Variants in KIAA1671 observed in about 807,000 individuals in gnomAD.
KIAA1671 encodes uncharacterized protein KIAA1671.
KIAA1671 carries 52 observed loss-of-function variants against 131.2 expected under a neutral mutation model. That is an observed-to-expected ratio of 0.40 (90% CI 0.32 to 0.50). The LOEUF (loss-of-function observed/expected upper bound fraction) is 0.50, where lower values mean the gene tolerates loss of function less well. KIAA1671 is among the 20% of genes least tolerant of loss of function. The pLI is 0.73. For synonymous variants in KIAA1671, 1,003 were observed against 961.6 expected (o/e 1.04, Z -0.80); for missense variants, 2,360 against 2,364.2 (o/e 1.00, Z 0.04).
Position 24,979,170 on chromosome 22 carries a change from A to ATTTTTTTTTTTTTTTT in KIAA1671, c.-208+26407_-208+26422dup, listed in dbSNP as rs71191010. 3.5e-4 allele frequency among the ~76,000 whole-genome samples: 29 copies of ATTTTTTTTTTTTTTTT among 81,698 alleles called. 1 individual carries two copies. Among genetic ancestry groups the ATTTTTTTTTTTTTTTT allele is most frequent in the African/African-American group, 1.5e-3 (27 of 18,042 alleles). 53.6% of individuals were successfully genotyped at this position (81,698 alleles called of 152,430 possible). On this transcript the variant is annotated intron_variant, in intron 1 of 12. Coordinates refer to ENST00000358431, the MANE Select transcript of KIAA1671 (RefSeq NM_001145206.2). Reference sequence around the variant, plus strand: ...ATCACCATGCCTGGCTAATTTTTGTATTTTTTTTTTTTTTTTTTTTTTTTA... The same window carrying ATTTTTTTTTTTTTTTT: ...ATCACCATGCCTGGCTAATTTTTGTATTTTTTTTTTTTTTTTTTTTTTTTTTTTTTTTTTTTTTTTA...
intron 6 of KIAA1671, among the ~76,000 whole-genome samples, chr22:25,128,904 C>T (rs181287157): frequency 6.6e-6 from 1 of 152,290 alleles, no homozygotes; most frequent in African/African-American, 2.4e-5. Flanking sequence ...CTAACCTACC[C>T]CTGTCAAGCA....
chr22:24,972,738 T>C (rs1490252358), intron 1 of KIAA1671, among the ~76,000 whole-genome samples: 1 of 152,150 alleles, frequency 6.6e-6, no homozygotes, highest in African/African-American at 2.4e-5. Flanking sequence ...GTACCTACTC[T>C]GTGCCAGGCA....
Position 25,006,952 on chromosome 22 carries a change from T to A in KIAA1671, c.-207-18681T>A, listed in dbSNP as rs147113734. ...CTTTTGCTATGTAAGGCAATATATC[T>A]GCAGGTTTTCGGGATTAGGACCTGG... On this transcript the variant is annotated intron_variant, in intron 1 of 12. Transcript: ENST00000358431. Among the ~76,000 whole-genome samples, 14 of 152,330 alleles carry A rather than the reference T, an allele frequency of 9.2e-5. 1 individual carries two copies. Among genetic ancestry groups the A allele is most frequent in the African/African-American group, 3.1e-4 (13 of 41,574 alleles).
intron 1 of KIAA1671, among the ~76,000 whole-genome samples, chr22:24,981,873 C>T (rs1475342788): frequency 6.6e-6 from 1 of 152,190 alleles, no homozygotes; most frequent in Non-Finnish European, 1.5e-5. Context: ...CACCACTGCA[C>T]TCCAGCGTGG....
chr22:25,096,092 G>A (rs932423720), intron 6 of KIAA1671, among the ~76,000 whole-genome samples: 26 of 152,280 alleles, frequency 1.7e-4, no homozygotes, highest in Admixed American at 4.6e-4. Flanking sequence ...GTGATGAGTC[G>A]GGGAGAAAAA....
intron 1 of KIAA1671, among the ~76,000 whole-genome samples, chr22:25,020,844 T>C (rs370085997): frequency 1.5e-4 from 23 of 152,190 alleles, no homozygotes; most frequent in African/African-American, 5.3e-4. Flanking sequence ...GATGGGGTGG[T>C]GTCAGTCATT....
In KIAA1671 at chr22:25,075,041, T is replaced by C. The variant is rs576474563; in HGVS notation, c.4530+25677T>C. Among the ~76,000 whole-genome samples the C allele has an allele frequency of 1.5e-3, 234 of 152,354 alleles. 1 individual carries two copies. The highest frequency in any genetic ancestry group is 2.8e-3 in the Non-Finnish European group (192 of 68,038). The stretch of plus-strand genomic sequence containing the variant: ...ACCCTTCGCCCGGTTCCCCTAATGT[T>C]AGCATGTTACTATAACCATGGTTCA... On this transcript the variant is annotated intron_variant, in intron 6 of 12. Transcript: ENST00000358431.
intron 6 of KIAA1671, among the ~76,000 whole-genome samples, chr22:25,141,158 G>C (rs1474017466): frequency 6.6e-6 from 1 of 152,160 alleles, no homozygotes; most frequent in East Asian, 1.9e-4. Flanking sequence ...AAGGATCAAA[G>C]AATGGGCAGG....
Position 25,141,457 on chromosome 22 carries a change from C to T in KIAA1671, c.4531-29363C>T, listed in dbSNP as rs1314786438. On this transcript the variant is annotated intron_variant, in intron 6 of 12. Coordinates refer to ENST00000358431, the MANE Select transcript of KIAA1671 (RefSeq NM_001145206.2). ...CCGTGTTAGCCAGGATGGTCTCAAT[C>T]TCCTGACCTCGTGATCCGCCTGCCT... is the stretch of plus-strand genomic sequence containing the variant. 2.6e-5 allele frequency among the ~76,000 whole-genome samples: 4 copies of T among 152,280 alleles called. No homozygotes were observed. In the East Asian group the frequency reaches 5.8e-4, roughly 22 times the overall value.
chr22:25,179,341 T>G (rs2146030500), intron 9 of KIAA1671: 1 of 1,594,182 alleles, frequency 6.3e-7, no homozygotes, highest in Non-Finnish European at 8.5e-7. Context: ...TGCTCCTTGT[T>G]CCTGCGCACC....
At chr22:25,157,685 C>T (rs946471808) in intron 6 of KIAA1671, among the ~76,000 whole-genome samples, 1 of 152,114 alleles carries the variant, frequency 6.6e-6, no homozygotes, top group African/African-American at 2.4e-5. Context: ...TGCCCCTCCC[C>T]TCTCCCCTGA....
intron 1 of KIAA1671, among the ~76,000 whole-genome samples, chr22:24,954,766 T>C (rs767472590): frequency 3.9e-5 from 6 of 152,024 alleles, no homozygotes; most frequent in East Asian, 1.9e-4. Flanking sequence ...TTTTTTCGTT[T>C]GTTTTGTTTT....
intron 1 of KIAA1671, among the ~76,000 whole-genome samples, chr22:24,980,750 A>T (rs968521516): frequency 1.1e-4 from 16 of 147,542 alleles, no homozygotes; most frequent in Non-Finnish European, 2.0e-4. Context: ...TGTTATTATT[A>T]TTTTTTTTTT....
intron 1 of KIAA1671, 132 bp from the exon 2 acceptor site, chr22:25,025,501 C>T (rs1413086888): frequency 6.6e-6 from 1 of 152,122 alleles, no homozygotes; most frequent in Non-Finnish European, 1.5e-5. Context: ...AATCGAAAAG[C>T]CAAAAGGAGC....
At chr22:25,067,224 T>G (rs768842995) in intron 6 of KIAA1671, among the ~76,000 whole-genome samples, 2 of 151,950 alleles carry the variant, frequency 1.3e-5, no homozygotes, top group Non-Finnish European at 2.9e-5. Context: ...ACCCCCCACC[T>G]GGTCCTAGAT....
At chr22:24,966,818 A>G (rs1415150674) in intron 1 of KIAA1671, among the ~76,000 whole-genome samples, 2 of 152,046 alleles carry the variant, frequency 1.3e-5, no homozygotes, top group Non-Finnish European at 2.9e-5. Flanking sequence ...ACCAGGCGTG[A>G]TGGTGCACAC....
intron 11 of KIAA1671, 37 bp from the exon 12 acceptor site, chr22:25,190,665 G>A (rs1416356489): frequency 1.3e-6 from 2 of 1,517,246 alleles, no homozygotes; most frequent in Non-Finnish European, 9.0e-7. Flanking sequence ...CCCACAGTCT[G>A]GTTTCAACTA....
chr22:25,077,005 C>T (rs1929146651), intron 6 of KIAA1671, among the ~76,000 whole-genome samples: 1 of 152,180 alleles, frequency 6.6e-6, no homozygotes. Flanking sequence ...ACCCAGCTCT[C>T]CCTCTATTAT....
At chr22:25,160,341 G>A (rs1241769392) in intron 6 of KIAA1671, among the ~76,000 whole-genome samples, 1 of 152,162 alleles carries the variant, frequency 6.6e-6, no homozygotes, top group Non-Finnish European at 1.5e-5. Flanking sequence ...CAGCCCAGGT[G>A]GGCCCATCCA....
Sources: gnomAD v4.1 joint callset for allele counts (sites outside exome capture counted in the v4.1 genomes callset) on GRCh38, gnomAD v4.1.1 for gene constraint, MANE v1.5 for transcripts, NCBI Gene and HGNC (gene_info 2026-07-23, HGNC 2026-07-21) for gene names.